HDC: variants seen among roughly 807,000 people sequenced by gnomAD.
HDC encodes the protein histidine decarboxylase.
A neutral mutation model predicts 64.4 loss-of-function variants in HDC; 27 were observed. The observed-to-expected ratio is 0.42, with a 90% CI of 0.31 to 0.58. HDC has a LOEUF of 0.58. HDC is among the 20% of genes least tolerant of loss of function. The probability of loss-of-function intolerance (pLI) is 0.16; values close to 1 mark genes in which losing one functional copy is unlikely to be tolerated. For synonymous variants in HDC, 305 were observed against 314.2 expected (o/e 0.97, Z 0.31); for missense variants, 711 against 833.9 (o/e 0.85, Z 1.81).
In HDC at chr15:50,254,663, C is replaced by G; in HGVS notation, c.443G>C (p.Ser148Thr). 1.2e-6 allele frequency: 2 copies of G among 1,614,072 alleles called. No individual in the cohort carries two copies. The highest frequency in any genetic ancestry group is 1.7e-6 in the Non-Finnish European group (2 of 1,179,994). The change falls in exon 5 of 12, where the codon AGC becomes ACC. Residue 148 changes from serine (S) to threonine (T), a missense_variant and splice_region_variant. Physicochemically the swap from Ser to Thr is moderately conservative, Grantham distance 58 (BLOSUM62 1). This residue lies in a region of HDC where 225 missense variants were observed against 276.2 expected (regional missense o/e 0.81). Transcript: ENST00000267845. Reference protein sequence around the residue: ...PSSQGGGVLQSTVSESTLIAL... With the variant: ...PSSQGGGVLQTTVSESTLIAL... ...AATCAAAGTGGATTCACTGACCGTGCTCTGCAGGGGAAAAGGATTATCATG... is the reference window on the plus strand; with the variant it reads ...AATCAAAGTGGATTCACTGACCGTGGTCTGCAGGGGAAAAGGATTATCATG...
intron 9 of HDC, among the ~76,000 whole-genome samples, chr15:50,251,841 AAAAGAAAGAAAG>A (rs535844039): frequency 2.0e-5 from 3 of 151,644 alleles, no homozygotes; most frequent in South Asian, 2.1e-4. Context: ...CAGAAAAAAA[AAAAGAAAGAAAG>A]AAAGAAAGAA....
In HDC at chr15:50,242,463, T is replaced by G. The variant is rs761518898; in HGVS notation, c.1786A>C (p.Lys596Gln). 6.2e-7 allele frequency: 1 copy of G among 1,614,154 alleles called. No individual in the cohort carries two copies. The highest frequency in any genetic ancestry group is 1.1e-5 in the South Asian group (1 of 91,076). Reference protein sequence around the residue: ...SCNSVPVSAQKPLPTEASVKN... With the variant: ...SCNSVPVSAQQPLPTEASVKN... Reference sequence around the variant, plus strand: ...ACAGAGGCCTCTGTGGGCAGTGGCTTCTGAGCACTCACTGGCACACTGTTG... The same window carrying G: ...ACAGAGGCCTCTGTGGGCAGTGGCTGCTGAGCACTCACTGGCACACTGTTG... Residue 596 changes from lysine to glutamine, a missense_variant, in exon 12 of 12, where the codon AAG becomes CAG. Physicochemically the swap from Lys to Gln is moderately conservative, Grantham distance 53 (BLOSUM62 1). Transcript: ENST00000267845.
intron 10 of HDC, among the ~76,000 whole-genome samples, chr15:50,245,883 C>A (rs534573781): frequency 1.3e-4 from 20 of 151,340 alleles, no homozygotes; most frequent in South Asian, 4.2e-4. Flanking sequence ...GCAACAGAGA[C>A]CTCATCTCAA....
intron 8 of HDC, 37 bp from the exon 9 acceptor site, chr15:50,252,557 T>C (rs771746946): frequency 5.0e-6 from 8 of 1,613,936 alleles, no homozygotes; most frequent in Non-Finnish European, 6.8e-6. Context: ...GGCTGAGGTC[T>C]CTCCAGAGGA....
intron 10 of HDC, among the ~76,000 whole-genome samples, chr15:50,245,230 GT>G: frequency 6.6e-6 from 1 of 152,324 alleles, no homozygotes; most frequent in South Asian, 2.1e-4. Context: ...TGTTTGTAAA[GT>G]TTTTTGGAAC....
intron 10 of HDC, among the ~76,000 whole-genome samples, chr15:50,247,321 G>A (rs2045494859): frequency 6.6e-6 from 1 of 152,158 alleles, no homozygotes; most frequent in Non-Finnish European, 1.5e-5. Context: ...ATTGCACATT[G>A]TATGCCTGTA....
chr15:50,261,921 C>A (rs1409574594), intron 2 of HDC, among the ~76,000 whole-genome samples: 2 of 152,052 alleles, frequency 1.3e-5, no homozygotes, highest in Non-Finnish European at 2.9e-5. Flanking sequence ...GTTGGTCAGG[C>A]TGGTCTTGAA....
chr15:50,252,255 A>C (rs1052647628), intron 9 of HDC, among the ~76,000 whole-genome samples, 175 bp downstream of exon 9: 1 of 152,214 alleles, frequency 6.6e-6, no homozygotes, highest in Non-Finnish European at 1.5e-5. Context: ...TCTGGGTTTC[A>C]TTCTATATAC....
At chr15:50,254,355 G>A in intron 5 of HDC, 82 bp from the exon 6 acceptor site, 1 of 1,573,422 alleles carries the variant, frequency 6.4e-7, no homozygotes, top group Non-Finnish European at 8.7e-7. Context: ...CTAAGACTCG[G>A]GAACCAAATA....
In HDC at chr15:50,253,649, C is replaced by T. The variant is rs1567451443; in HGVS notation, c.738G>A (p.Gly246=). The part of the protein sequence containing the change: ...LVPVFVCATL[G]TTGVCAFDCL... Reference sequence around the variant, plus strand: ...AGTCAAATGCACAGACCCCAGTGGTCCCTAGTGTTGCACAGACCTAGGGGA... The same window carrying T: ...AGTCAAATGCACAGACCCCAGTGGTTCCTAGTGTTGCACAGACCTAGGGGA... The change falls in exon 7 of 12, where the codon GGG becomes GGA. Residue 246 remains glycine, a synonymous_variant. Transcript: ENST00000267845. 1.9e-6 allele frequency: 3 copies of T among 1,613,486 alleles called. No individual in the cohort carries two copies. In the East Asian group the frequency reaches 6.7e-5, roughly 36 times the overall value.
chr15:50,253,269 G>C, intron 7 of HDC: 1 of 413,346 alleles, frequency 2.4e-6, no homozygotes, highest in East Asian at 5.2e-5. Context: ...TTCTATTCTA[G>C]CCTAATTCAC....
intron 10 of HDC, 149 bp from the exon 11 acceptor site, chr15:50,243,393 G>T: frequency 1.4e-6 from 1 of 697,850 alleles, no homozygotes. Flanking sequence ...ATCTCCATTT[G>T]ATTTTGCTCA....
At position 50,246,439 on chromosome 15, in the gene HDC, T is replaced by C. The variant is rs2045482839; in HGVS notation, c.1140+1806A>G. On this transcript the variant is annotated intron_variant, in intron 10 of 11. Coordinates refer to ENST00000267845, the MANE Select transcript of HDC (RefSeq NM_002112.4). Reference sequence around the variant, plus strand: ...GAAGCAGAAACCAGAACAGATGGAATAGGCAGAAAAGCTTCTAGTGGAAGC... The same window carrying C: ...GAAGCAGAAACCAGAACAGATGGAACAGGCAGAAAAGCTTCTAGTGGAAGC... Among the ~76,000 whole-genome samples, 3 of 152,170 alleles carry C rather than the reference T, an allele frequency of 2.0e-5. No individual in the cohort carries two copies. In the South Asian group the frequency reaches 6.2e-4, roughly 32 times the overall value.
chr15:50,259,961 C>T (rs988446566), intron 2 of HDC, among the ~76,000 whole-genome samples: 2 of 151,832 alleles, frequency 1.3e-5, no homozygotes, highest in Non-Finnish European at 2.9e-5. Flanking sequence ...GTAGATTTAC[C>T]ATGAAGCTAA....
Position 50,252,721 on chromosome 15 carries a change from A to C in HDC, c.841T>G (p.Phe281Val). ...AACCCCCGGAACTCGGGGCACAGGA[A>C]GGCAGTGCCTGCATAAGCAGCATCG... ...HIDAAYAGTA[F>V]LCPEFRGFLK... Residue 281 changes from phenylalanine to valine, a missense_variant, in exon 8 of 12, where the codon TTC (phenylalanine) becomes GTC (valine). Coordinates refer to ENST00000267845, the MANE Select transcript of HDC (RefSeq NM_002112.4). 6.2e-7 allele frequency: 1 copy of C among 1,614,102 alleles called. No individual in the cohort carries two copies. Among genetic ancestry groups the C allele is most frequent in the Non-Finnish European group, 8.5e-7 (1 of 1,180,010 alleles).
rs73399203 is a variant in HDC, at chr15:50,253,773, A to G, written c.721-107T>C. 4,923 of 858,488 alleles carry G rather than the reference A, an allele frequency of 5.7e-3. 143 individuals are homozygous for G. In the East Asian group the frequency reaches 0.076, roughly 13 times the overall value. The allele number at this position is 858,488 out of a possible 1,614,324, so 53.2% of individuals were successfully genotyped here. A position where few individuals can be genotyped will look rare whatever the true frequency, so the allele number is the denominator to read the frequency against. On this transcript the variant is annotated intron_variant, in intron 6 of 11. Coordinates refer to ENST00000267845, the MANE Select transcript of HDC (RefSeq NM_002112.4). The stretch of plus-strand genomic sequence containing the variant: ...GTGATCTACTCCCATCCATCCCACC[A>G]GAACAGTGTATATTTCAGACTGTGT...
chr15:50,255,171 A>G (rs776334991), intron 4 of HDC, among the ~76,000 whole-genome samples: 2 of 152,192 alleles, frequency 1.3e-5, no homozygotes, highest in South Asian at 2.1e-4. Flanking sequence ...TTTTCTGTCT[A>G]TGAAATGGAG....
chr15:50,265,189 A>G (rs2045751362), intron 1 of HDC, among the ~76,000 whole-genome samples: 1 of 152,184 alleles, frequency 6.6e-6, no homozygotes, highest in African/African-American at 2.4e-5. Flanking sequence ...AGATTCACAC[A>G]TGAAGGAATG....
rs2045610424 is a variant in HDC at position 50,254,815 on chromosome 15, A to G, written c.442-151T>C. ...GTTTGTGTATGTGTGTGTCATAGCTATTCACAGAAGGAAATACACAGCTCC... is the reference window on the plus strand; with the variant it reads ...GTTTGTGTATGTGTGTGTCATAGCTGTTCACAGAAGGAAATACACAGCTCC... On this transcript the variant is annotated intron_variant, in intron 4 of 11. Transcript: ENST00000267845. 4.7e-6 allele frequency: 4 copies of G among 844,686 alleles called. No individual in the cohort carries two copies. In the Admixed American group the frequency reaches 8.3e-5, roughly 17 times the overall value. 52.3% of individuals were successfully genotyped at this position (844,686 alleles called of 1,614,324 possible). A position where few individuals can be genotyped will look rare whatever the true frequency, so the allele number is the denominator to read the frequency against.
Sources: gnomAD v4.1 joint callset for allele counts (sites outside exome capture counted in the v4.1 genomes callset) on GRCh38, gnomAD v4.1.1 for gene constraint, gnomAD v4.1.1 regional missense constraint, MANE v1.5 for transcripts, NCBI Gene and HGNC (gene_info 2026-07-23, HGNC 2026-07-21) for gene names.